CNTNAP3: variants seen among roughly 807,000 people sequenced by gnomAD.
CNTNAP3 encodes the protein contactin associated protein family member 3.
A neutral mutation model predicts 92.1 loss-of-function variants in CNTNAP3; 36 were observed. The ratio of observed to expected loss-of-function variants is 0.39; its 90% CI spans 0.30 to 0.52. CNTNAP3 has a LOEUF of 0.52. Ranked by LOEUF, CNTNAP3 falls within the 20% of genes least tolerant of loss-of-function variation. The probability of loss-of-function intolerance (pLI) is 0.76; values close to 1 mark genes in which losing one functional copy is unlikely to be tolerated. For missense variants in CNTNAP3, 534 were observed against 1,069.6 expected, an observed-to-expected ratio of 0.50 and a Z score of 6.98; for synonymous variants, 232 against 422.3, an observed-to-expected ratio of 0.55 and a Z score of 5.53.
At chr9:39,112,623 C>G (rs1820734927) in intron 14 of CNTNAP3, among the ~76,000 whole-genome samples, 3 of 152,170 alleles carry the variant, frequency 2.0e-5, no homozygotes, top group Admixed American at 2.0e-4. Context: ...CTTGGCCTCC[C>G]AAAGTGCTGG....
chr9:39,083,860 C>T (rs1275368448), intron 21 of CNTNAP3, among the ~76,000 whole-genome samples: 1 of 151,492 alleles, frequency 6.6e-6, no homozygotes, highest in Non-Finnish European at 1.5e-5. Context: ...ATCTAAAAAG[C>T]TTATATTTAA....
chr9:39,128,133 C>T (rs371132200), intron 13 of CNTNAP3, among the ~76,000 whole-genome samples: 16 of 152,164 alleles, frequency 1.1e-4, no homozygotes, highest in East Asian at 7.7e-4. Context: ...GCCACCCTGC[C>T]GGGCCTTACT....
intron 11 of CNTNAP3, among the ~76,000 whole-genome samples, chr9:39,141,874 A>G (rs181893386): frequency 8.5e-5 from 13 of 152,310 alleles, no homozygotes; most frequent in Admixed American, 8.5e-4. Flanking sequence ...TCAATTGAAT[A>G]CAATTAATGA....
chr9:39,115,077 C>T (rs544626729), intron 14 of CNTNAP3, among the ~76,000 whole-genome samples: 10 of 151,550 alleles, frequency 6.6e-5, no homozygotes, highest in East Asian at 3.9e-4. Flanking sequence ...TCTTACTGTG[C>T]CTGAGGAACT....
intron 21 of CNTNAP3, among the ~76,000 whole-genome samples, chr9:39,084,206 T>TTG (rs1826015097): frequency 6.8e-6 from 1 of 147,938 alleles, no homozygotes; most frequent in African/African-American, 2.5e-5. Context: ...TTTTTTTTTT[T>TTG]TTTTTTTTTT....
chr9:39,104,477 T>TACACACACAC (rs60068368), intron 15 of CNTNAP3, among the ~76,000 whole-genome samples: 3,133 of 123,042 alleles, frequency 0.025, 87 homozygotes, highest in Non-Finnish European at 0.037. Flanking sequence ...CACATACACA[T>TACACACACAC]ACACACACAC....
chr9:39,104,041 G>T (rs1381208169), intron 15 of CNTNAP3, 127 bp from the exon 16 acceptor site: 17 of 1,446,076 alleles, frequency 1.2e-5, no homozygotes, highest in Middle Eastern at 5.1e-4. Context: ...TTTCACTGGG[G>T]GTTCTGAGCA....
intron 9 of CNTNAP3, chr9:39,154,844 C>G: frequency 9.0e-6 from 2 of 221,600 alleles, no homozygotes; most frequent in Admixed American, 5.6e-5. Context: ...CGGGGAGCAC[C>G]TGCAGGGGCT....
At chr9:39,162,700 T>C (rs952689642) in intron 9 of CNTNAP3, among the ~76,000 whole-genome samples, 8 of 133,688 alleles carry the variant, frequency 6.0e-5, no homozygotes, top group Admixed American at 4.4e-4. Flanking sequence ...TTATCCAAAG[T>C]GAACTAACAC....
At chr9:39,113,782 TAC>T (rs199497969) in intron 14 of CNTNAP3, among the ~76,000 whole-genome samples, 1,859 of 151,830 alleles carry the variant, frequency 0.012, 41 homozygotes, top group African/African-American at 0.041. Flanking sequence ...TAATGTATAA[TAC>T]ATTCTATAAA....
At chr9:39,145,854 C>T (rs1221687759) in intron 10 of CNTNAP3, among the ~76,000 whole-genome samples, 10 of 141,838 alleles carry the variant, frequency 7.1e-5, no homozygotes, top group African/African-American at 2.3e-4. Context: ...GGGGTGGGGG[C>T]CCACCCTCAT....
chr9:39,091,168 C>CTTTTTTTTTTTTTTTTT (rs1319060417), intron 18 of CNTNAP3, among the ~76,000 whole-genome samples: 5 of 117,964 alleles, frequency 4.2e-5, no homozygotes, highest in Non-Finnish European at 7.2e-5. Flanking sequence ...TGTTTTTCTT[C>CTTTTTTTTTTTTTTTTT]TTCTTTTTTT....
rs1320849078 is a variant in CNTNAP3, at chr9:39,066,043, T to A, written c.*7847A>T. Among the ~76,000 whole-genome samples, 2 of 152,226 alleles carry A rather than the reference T, an allele frequency of 1.3e-5. No individual in the cohort carries two copies. The highest frequency in any genetic ancestry group is 2.9e-5 in the Non-Finnish European group (2 of 68,026). On this transcript the variant is annotated 3_prime_UTR_variant, in exon 24 of 24. Transcript: ENST00000297668. ...CATTTGTTCTTTGTCCTCTTTCTCA[T>A]CTTTTTTGTCTACTTTCAAGCATTT...
intron 15 of CNTNAP3, among the ~76,000 whole-genome samples, chr9:39,108,437 C>A (rs551380504): frequency 6.6e-6 from 1 of 152,274 alleles, no homozygotes; most frequent in Non-Finnish European, 1.5e-5. Context: ...GGCTCAGGCT[C>A]CTTGGTGAAC....
At chr9:39,106,101 G>A (rs958171585) in intron 15 of CNTNAP3, among the ~76,000 whole-genome samples, 3 of 152,114 alleles carry the variant, frequency 2.0e-5, no homozygotes, top group African/African-American at 7.2e-5. Context: ...TTCTAACCCA[G>A]TGGTCATTCC....
chr9:39,081,416 G>A (rs1001412339), intron 21 of CNTNAP3, among the ~76,000 whole-genome samples: 1 of 151,140 alleles, frequency 6.6e-6, no homozygotes, highest in Admixed American at 6.6e-5. Context: ...CAACTTCGGG[G>A]TCCTGCACCC....
intron 9 of CNTNAP3, among the ~76,000 whole-genome samples, chr9:39,153,034 C>T (rs953356061): frequency 2.7e-5 from 2 of 73,008 alleles, no homozygotes; most frequent in Non-Finnish European, 4.9e-5. Flanking sequence ...CCAGGTGTCC[C>T]ACAAAAAGTT....
intron 15 of CNTNAP3, among the ~76,000 whole-genome samples, chr9:39,108,353 G>T (rs943479316): frequency 2.2e-4 from 33 of 152,068 alleles, no homozygotes; most frequent in African/African-American, 7.5e-4. Context: ...TACACGACTG[G>T]CTACAGAAAC....
chr9:39,104,656 C>A (rs1564074064), intron 15 of CNTNAP3, among the ~76,000 whole-genome samples: 1 of 152,160 alleles, frequency 6.6e-6, no homozygotes. Context: ...CATTCTGGTA[C>A]AGTGTGTGAG....
Sources: gnomAD v4.1 joint callset for allele counts (sites outside exome capture counted in the v4.1 genomes callset) on GRCh38, gnomAD v4.1.1 for gene constraint, MANE v1.5 for transcripts, NCBI Gene and HGNC (gene_info 2026-07-23, HGNC 2026-07-21) for gene names.